Variants in KCNMA1 observed in about 807,000 individuals in gnomAD.
KCNMA1 encodes Calcium-activated potassium channel subunit alpha-1.
KCNMA1 carries 29 observed loss-of-function variants against 140.0 expected under a neutral mutation model. That is an observed-to-expected ratio of 0.21 (90% CI 0.15 to 0.28). KCNMA1 has a LOEUF of 0.28. KCNMA1 is among the 10% of genes least tolerant of loss of function. The pLI is 1.00. For synonymous variants in KCNMA1, 612 were observed against 611.9 expected, an observed-to-expected ratio of 1.00 and a Z score of 0.00; for missense variants, 880 against 1,602.2, an observed-to-expected ratio of 0.55 and a Z score of 7.70.
intron 19 of KCNMA1, among the ~76,000 whole-genome samples, chr10:76,971,651 C>A (rs1289567079): frequency 6.6e-6 from 1 of 152,126 alleles, no homozygotes; most frequent in Admixed American, 6.5e-5. Context: ...CTTCCTCTGA[C>A]ACCCACCAGG....
intron 3 of KCNMA1, among the ~76,000 whole-genome samples, chr10:77,211,033 A>G (rs1320180998): frequency 1.3e-5 from 2 of 152,192 alleles, no homozygotes; most frequent in Non-Finnish European, 2.9e-5. Flanking sequence ...CAAACTACCA[A>G]TAACATTCTT....
chr10:76,930,784 T>C (rs1448867548), intron 23 of KCNMA1, among the ~76,000 whole-genome samples: 1 of 152,130 alleles, frequency 6.6e-6, no homozygotes, highest in Non-Finnish European at 1.5e-5. Flanking sequence ...TACCTGCACA[T>C]ATATATAATG....
At chr10:77,397,860 CAT>C (rs1317681194) in intron 2 of KCNMA1, among the ~76,000 whole-genome samples, 12 of 152,138 alleles carry the variant, frequency 7.9e-5, no homozygotes, top group Admixed American at 7.9e-4. Flanking sequence ...TTCATGAGAA[CAT>C]GTGGTATTTG....
rs1374570463 is a variant in KCNMA1 at position 76,886,952 on chromosome 10, A to G, written c.*314T>C. ...TTGCTCTGCCTAACTGACGTTGATC[A>G]CAAGTGCTCCCTTCTAATCTGTGAA... is the stretch of plus-strand genomic sequence containing the variant. On this transcript the variant is annotated 3_prime_UTR_variant, in exon 28 of 28. Coordinates refer to ENST00000286628, the MANE Select transcript of KCNMA1 (RefSeq NM_001161352.2). 6 of 1,210,368 alleles carry G rather than the reference A, an allele frequency of 5.0e-6. No individual in the cohort carries two copies. In the East Asian group the frequency reaches 3.0e-4, roughly 61 times the overall value. The allele number at this position is 1,210,368 out of a possible 1,614,324, so 75.0% of individuals were successfully genotyped here.
intron 3 of KCNMA1, among the ~76,000 whole-genome samples, chr10:77,238,518 G>A (rs1449723749): frequency 6.6e-6 from 1 of 152,216 alleles, no homozygotes; most frequent in Non-Finnish European, 1.5e-5. Context: ...GGAGGAAGAG[G>A]TAGGAAGCCC....
chr10:77,090,526 C>T lies in KCNMA1; in HGVS notation c.1224-16G>A, dbSNP rs1399415125. 1 of 1,549,564 alleles carries T rather than the reference C, an allele frequency of 6.5e-7. No individual in the cohort carries two copies. Among genetic ancestry groups the T allele is most frequent in the African/African-American group, 1.4e-5 (1 of 73,630 alleles). The stretch of plus-strand genomic sequence containing the variant: ...CACAATGTGCCTGAACAGGAGAGGC[C>T]AGTTAGATCAGGCCAGGCACCACGA... On this transcript the variant is annotated splice_polypyrimidine_tract_variant and intron_variant, in intron 9 of 27. Coordinates refer to ENST00000286628, the MANE Select transcript of KCNMA1 (RefSeq NM_001161352.2).
At chr10:77,277,363 C>T (rs2066964406) in intron 2 of KCNMA1, among the ~76,000 whole-genome samples, 2 of 152,132 alleles carry the variant, frequency 1.3e-5, no homozygotes, top group African/African-American at 2.4e-5. Flanking sequence ...AGCTTTTCCA[C>T]GATGGGTCTG....
chr10:77,584,549 G>A (rs1480093906), intron 1 of KCNMA1, among the ~76,000 whole-genome samples: 1 of 152,034 alleles, frequency 6.6e-6, no homozygotes, highest in African/African-American at 2.4e-5. Context: ...GAGACAGGGA[G>A]GGTTTCACCA....
chr10:77,366,847 A>AT (rs934023478), intron 2 of KCNMA1, among the ~76,000 whole-genome samples: 42 of 152,150 alleles, frequency 2.8e-4, no homozygotes, highest in African/African-American at 1.0e-3. Flanking sequence ...GTCCTTCATT[A>AT]TTTTCCCCAT....
chr10:77,197,541 G>A (rs1309791683), intron 3 of KCNMA1, among the ~76,000 whole-genome samples: 1 of 152,192 alleles, frequency 6.6e-6, no homozygotes, highest in African/African-American at 2.4e-5. Context: ...TGATATCACA[G>A]CAAACTGAGG....
chr10:77,020,243 T>G (rs2153486548), intron 16 of KCNMA1: 1 of 152,266 alleles, frequency 6.6e-6, no homozygotes, highest in East Asian at 1.9e-4. Flanking sequence ...ACATAATCTT[T>G]TTTCCTACTG....
chr10:77,040,511 C>A (rs1385657618), intron 14 of KCNMA1, among the ~76,000 whole-genome samples: 1 of 152,100 alleles, frequency 6.6e-6, no homozygotes, highest in Non-Finnish European at 1.5e-5. Context: ...TAAAAAGGCA[C>A]ATTATAAAAT....
At chr10:77,029,653 A>ACAC (rs2093765084) in intron 15 of KCNMA1, among the ~76,000 whole-genome samples, 1 of 152,212 alleles carries the variant, frequency 6.6e-6, no homozygotes, top group Non-Finnish European at 1.5e-5. Context: ...AGTAACTCAG[A>ACAC]AGGGGTATAT....
chr10:77,587,625 C>A (rs1262974465), intron 1 of KCNMA1: 1 of 806,478 alleles, frequency 1.2e-6, no homozygotes. Flanking sequence ...GTCTGGGCTG[C>A]GGGCCCCTGA....
At chr10:76,897,174 TAAAC>T (rs2042944538) in intron 25 of KCNMA1, among the ~76,000 whole-genome samples, 1 of 151,782 alleles carries the variant, frequency 6.6e-6, no homozygotes, top group African/African-American at 2.4e-5. Context: ...GGTCAAGTGA[TAAAC>T]AGTAAGTATT....
intron 1 of KCNMA1, among the ~76,000 whole-genome samples, chr10:77,506,577 G>GAGAGAA: frequency 1.5e-5 from 1 of 65,882 alleles, no homozygotes; most frequent in Non-Finnish European, 2.9e-5. Context: ...TTCCTAGAGA[G>GAGAGAA]AGAGAGAGAG....
intron 1 of KCNMA1, among the ~76,000 whole-genome samples, chr10:77,493,097 C>T (rs1478655924): frequency 3.9e-5 from 6 of 152,338 alleles, no homozygotes; most frequent in African/African-American, 1.4e-4. Flanking sequence ...CTTCAGATTT[C>T]CCACAGTTCC....
chr10:77,408,350 C>T (rs895672102), intron 1 of KCNMA1, among the ~76,000 whole-genome samples: 3 of 152,158 alleles, frequency 2.0e-5, no homozygotes, highest in African/African-American at 7.2e-5. Context: ...AGGGGCAGCC[C>T]GATGTCAGTC....
intron 3 of KCNMA1, among the ~76,000 whole-genome samples, chr10:77,233,810 G>A (rs569886809): frequency 7.2e-5 from 11 of 152,288 alleles, no homozygotes; most frequent in Non-Finnish European, 1.5e-4. Flanking sequence ...CTAGAGGCGA[G>A]GTGCCCCCAA....
Sources: allele counts gnomAD v4.1 joint callset (sites outside exome capture counted in the v4.1 genomes callset), GRCh38; gene constraint gnomAD v4.1.1; transcripts MANE v1.5; gene names NCBI Gene and HGNC (gene_info 2026-07-23, HGNC 2026-07-21).